P2RY8: variants seen among roughly 807,000 people sequenced by gnomAD.
P2RY8 encodes the protein S-geranylgeranyl-glutathione receptor P2RY8.
P2RY8 carries 6 observed loss-of-function variants against 10.0 expected under a neutral mutation model. The ratio of observed to expected loss-of-function variants is 0.60; its 90% CI spans 0.33 to 1.19. The LOEUF (loss-of-function observed/expected upper bound fraction) is 1.19. Ranked by LOEUF, P2RY8 falls within the 50% of genes most tolerant of loss-of-function variation. P2RY8 has a pLI of 0.04. For synonymous variants in P2RY8, 276 were observed against 252.5 expected (o/e 1.09, Z -0.88); for missense variants, 456 against 542.0 (o/e 0.84, Z 1.58).
intron 1 of P2RY8, among the ~76,000 whole-genome samples, chrX:1,510,705 C>T (rs1227871044): frequency 6.6e-6 from 1 of 152,058 alleles, no homozygotes. Context: ...CAGTGAAACC[C>T]TATCTCTACT....
At chrX:1,528,618 T>A (rs191155160) in intron 1 of P2RY8, among the ~76,000 whole-genome samples, 1 of 145,918 alleles carries the variant, frequency 6.9e-6, no homozygotes, top group African/African-American at 2.8e-5. Context: ...GGATTTGAGT[T>A]TCTTTGAATG....
intron 1 of P2RY8, among the ~76,000 whole-genome samples, chrX:1,472,200 T>G (rs2149376777): frequency 6.6e-6 from 1 of 152,124 alleles, no homozygotes; most frequent in South Asian, 2.1e-4. Context: ...TGCGTCTATG[T>G]CATTAGTGAA....
rs1192413207 is a variant in P2RY8 at position 1,509,310 on chromosome X, CATCT to C, written c.-25+27607_-25+27610del. ...CTATGTATCTATCCATCTATTCATC[CATCT>C]ATCTATCCTGTATGTATTTATCTAT... On this transcript the variant is annotated intron_variant, in intron 1 of 1. Coordinates refer to ENST00000381297, the MANE Select transcript of P2RY8 (RefSeq NM_178129.5). Among the ~76,000 whole-genome samples, 14 of 148,402 alleles carry C rather than the reference CATCT, an allele frequency of 9.4e-5. No homozygotes were observed. The Middle Eastern group carries it at 0.011, about 117-fold the overall frequency.
rs1476031363 is a variant in P2RY8 at position 1,506,322 on chromosome X, T to G, written c.-25+30599A>C. On this transcript the variant is annotated intron_variant, in intron 1 of 1. Coordinates refer to ENST00000381297, the MANE Select transcript of P2RY8 (RefSeq NM_178129.5). Reference sequence around the variant, plus strand: ...ATTTCCTTCTTAAAACATGCTCCCCTGTGCCCTTCCCCTTCTAAGATGAGC... The same window carrying G: ...ATTTCCTTCTTAAAACATGCTCCCCGGTGCCCTTCCCCTTCTAAGATGAGC... Among the ~76,000 whole-genome samples, 3 of 152,200 alleles carry G rather than the reference T, an allele frequency of 2.0e-5. No individual in the cohort carries two copies. In the South Asian group the frequency reaches 6.2e-4, roughly 32 times the overall value.
chrX:1,487,448 G>A (rs28661467), intron 1 of P2RY8, among the ~76,000 whole-genome samples: 1,675 of 152,244 alleles, frequency 0.011, 22 homozygotes, highest in Middle Eastern at 0.034. Flanking sequence ...GGGGCAGAGG[G>A]CATAAGGAAC....
At chrX:1,484,746 A>AAAAG (rs1556677398) in intron 1 of P2RY8, among the ~76,000 whole-genome samples, 8 of 110,398 alleles carry the variant, frequency 7.2e-5, no homozygotes, top group African/African-American at 2.5e-4. Flanking sequence ...AAAAAAAAAA[A>AAAAG]AAGAAGAAGA....
At chrX:1,513,080 T>C (rs757490420) in intron 1 of P2RY8, among the ~76,000 whole-genome samples, 1 of 150,428 alleles carries the variant, frequency 6.6e-6, no homozygotes, top group South Asian at 2.1e-4. Context: ...GTCTGTGTGT[T>C]CTCATTGTTC....
intron 1 of P2RY8, among the ~76,000 whole-genome samples, chrX:1,508,811 TATC>T (rs1354913803): frequency 6.8e-4 from 102 of 149,812 alleles, no homozygotes; most frequent in African/African-American, 2.4e-3. Context: ...TGTATGTGTC[TATC>T]ATCTATGCAT....
intron 1 of P2RY8, among the ~76,000 whole-genome samples, chrX:1,511,869 C>A (rs1448594022): frequency 1.3e-5 from 2 of 152,172 alleles, no homozygotes; most frequent in African/African-American, 2.4e-5. Flanking sequence ...ACTTCCCCCA[C>A]CTGAGTCCTC....
At chrX:1,509,448 GTATC>G (rs1406875610) in intron 1 of P2RY8, among the ~76,000 whole-genome samples, 1 of 125,962 alleles carries the variant, frequency 7.9e-6, no homozygotes. Context: ...ATGTATCTAT[GTATC>G]TATCCATCCA....
chrX:1,515,333 T>C (rs4933085), intron 1 of P2RY8, among the ~76,000 whole-genome samples: 75,936 of 151,248 alleles, frequency 0.5, 19,732 homozygotes, highest in East Asian at 0.77. Context: ...CGTTAAGTTG[T>C]GCAAACACCT....
intron 1 of P2RY8, among the ~76,000 whole-genome samples, chrX:1,480,360 C>T (rs1271388877): frequency 4.0e-5 from 6 of 149,916 alleles, no homozygotes; most frequent in African/African-American, 7.4e-5. Context: ...TGCAGTGGCA[C>T]GACCTTGGCT....
chrX:1,508,590 A>G (rs1271976935), intron 1 of P2RY8, among the ~76,000 whole-genome samples: 1 of 146,852 alleles, frequency 6.8e-6, no homozygotes, highest in Admixed American at 6.8e-5. Flanking sequence ...CTATGTATCT[A>G]TCTGTCTAGC....
intron 1 of P2RY8, among the ~76,000 whole-genome samples, chrX:1,471,864 G>T (rs1206291350): frequency 6.6e-6 from 1 of 152,130 alleles, no homozygotes; most frequent in Non-Finnish European, 1.5e-5. Context: ...AGTGCTGGGG[G>T]CTGTCCCAGC....
Position 1,465,872 on chromosome X carries a change from C to G in P2RY8, c.687G>C (p.Arg229=). The G allele has an allele frequency of 6.2e-7, 1 of 1,612,514 alleles. No individual in the cohort carries two copies. Among genetic ancestry groups the G allele is most frequent in the Non-Finnish European group, 8.5e-7 (1 of 1,179,678 alleles). The change falls in exon 2 of 2, where the codon CGG becomes CGC. Residue 229 remains arginine (R), a synonymous_variant. Coordinates refer to ENST00000381297, the MANE Select transcript of P2RY8 (RefSeq NM_178129.5). ...GGCCCACCGCGCGCCTCCGCTGCTC[C>G]CGGCCGTGCGCCTCCTCCGTGCGCA... The part of the protein sequence containing the change: ...KLLRTEEAHG[R]EQRRRAVGLA...
intron 1 of P2RY8, among the ~76,000 whole-genome samples, chrX:1,535,111 G>A (rs1372326530): frequency 3.7e-4 from 56 of 151,694 alleles, no homozygotes; most frequent in Non-Finnish European, 5.0e-4. Flanking sequence ...CAGCATCCTG[G>A]TGCACGTAGG....
Position 1,514,673 on chromosome X carries a change from TCCTTTCCCTTC to T in P2RY8, c.-25+22237_-25+22247del, listed in dbSNP as rs1434736900. Among the ~76,000 whole-genome samples, 6 of 694 alleles carry T rather than the reference TCCTTTCCCTTC, an allele frequency of 8.6e-3. 2 individuals are homozygous for T. The East Asian group carries it at 1, about 116-fold the overall frequency. 0.5% of individuals were successfully genotyped at this position (694 alleles called of 152,430 possible). A position where few individuals can be genotyped will look rare whatever the true frequency, so the allele number is the denominator to read the frequency against. ...TTTCCTCCCCTCCCTTCCCTTCCCT[TCCTTTCCCTTC>T]CCTTCCCTTCCTTCCCTTCCTTCCC... is the stretch of plus-strand genomic sequence containing the variant. On this transcript the variant is annotated intron_variant, in intron 1 of 1. Transcript: ENST00000381297.
At chrX:1,516,638 C>T (rs1379607831) in intron 1 of P2RY8, among the ~76,000 whole-genome samples, 1 of 150,374 alleles carries the variant, frequency 6.7e-6, no homozygotes, top group Admixed American at 6.6e-5. Flanking sequence ...GCCCTGCCTA[C>T]ACCTGGATCT....
intron 1 of P2RY8, among the ~76,000 whole-genome samples, chrX:1,519,287 A>C (rs1279478223): frequency 6.6e-6 from 1 of 151,508 alleles, no homozygotes; most frequent in African/African-American, 2.4e-5. Context: ...CCTGCTCCCC[A>C]ATATTCTCTC....
Sources: gnomAD v4.1 joint callset for allele counts (sites outside exome capture counted in the v4.1 genomes callset) on GRCh38, gnomAD v4.1.1 for gene constraint, MANE v1.5 for transcripts, NCBI Gene and HGNC (gene_info 2026-07-23, HGNC 2026-07-21) for gene names.